RASSF7: variants seen among roughly 807,000 people sequenced by gnomAD.
RASSF7 encodes the protein ras association domain-containing protein 7.
A neutral mutation model predicts 33.8 loss-of-function variants in RASSF7; 41 were observed. The ratio of observed to expected loss-of-function variants is 1.21; its 90% CI spans 0.95 to 1.57. RASSF7 has a LOEUF of 1.57. Ranked by LOEUF, RASSF7 falls within the 40% of genes most tolerant of loss-of-function variation. RASSF7 has a pLI of 0.00. For missense variants in RASSF7, 622 were observed against 497.0 expected (o/e 1.25, Z -2.39); for synonymous variants, 298 against 212.8 (o/e 1.40, Z -3.48).
rs779964929 is a variant in RASSF7 at position 563,399 on chromosome 11, C to T, written c.955C>T (p.Pro319Ser). 9.3e-6 allele frequency: 15 copies of T among 1,611,428 alleles called. No homozygotes were observed. The highest frequency in any genetic ancestry group is 2.2e-5 in the East Asian group (1 of 44,842). Residue 319 changes from proline to serine, a missense_variant, in exon 5 of 6, where the codon CCT becomes TCT. By Grantham distance (74) the Pro-to-Ser change is moderately conservative. Coordinates refer to ENST00000397583, the MANE Select transcript of RASSF7 (RefSeq NM_003475.4). ...PDRGPPGTQGPLPPAREESLL... is the reference protein window; with the variant it reads ...PDRGPPGTQGSLPPAREESLL... ...AAGCTGACTTCCCAACCCACAGGGC[C>T]CTCTGCCTCCAGCCAGAGAGGAGTC...
rs142735008 is a variant in RASSF7 at position 561,476 on chromosome 11, AG to A, written c.-8+1del. ...GGGAGGGGGCAGTGTCCTCCGAGCC[AG>A]GTGAGGCGAGTAGGAAATGCTGGAT... On this transcript the variant is annotated splice_region_variant and 5_prime_UTR_variant, in exon 1 of 6. Transcript: ENST00000397583. The A allele has an allele frequency of 7.4e-3, 9,289 of 1,262,772 alleles. 35 individuals carry two copies. Among genetic ancestry groups the A allele is most frequent in the Non-Finnish European group, 8.4e-3 (8,383 of 994,792 alleles). The allele number at this position is 1,262,772 out of a possible 1,614,324, so 78.2% of individuals were successfully genotyped here. A position where few individuals can be genotyped will look rare whatever the true frequency, so the allele number is the denominator to read the frequency against.
intron 2 of RASSF7, 87 bp downstream of exon 2, chr11:561,979 G>A: frequency 6.4e-7 from 1 of 1,571,090 alleles, no homozygotes; most frequent in East Asian, 2.3e-5. Flanking sequence ...CCCAAGGAGA[G>A]TGGGGCTGGT....
At position 562,101 on chromosome 11, in the gene RASSF7, T is replaced by A. The variant is rs1022075322; in HGVS notation, c.147T>A (p.Leu49=). The A allele has an allele frequency of 6.5e-7, 1 of 1,528,048 alleles. No individual in the cohort carries two copies. The allele number at this position is 1,528,048 out of a possible 1,614,324, so 94.7% of individuals were successfully genotyped here. The change falls in exon 3 of 6, where the codon CTT becomes CTA. Residue 49 remains leucine, a synonymous_variant. Transcript: ENST00000397583. ...CAGGCCAGACTGGCCGCTTTGTGCT[T>A]GTGCAGCGGCTTCGGGAGAAGGAGC... is the stretch of plus-strand genomic sequence containing the variant. ...QAIGQTGRFV[L]VQRLREKERQ...
chr11:561,821 A>G lies in RASSF7; in HGVS notation c.53A>G (p.Gln18Arg). ...CTGAAGGTGTGGGTGGATGGCATCC[A>G]GCGTGTGGTCTGTGGGGTCTCAGAG... ...MELKVWVDGIQRVVCGVSEQT... is the reference protein window; with the variant it reads ...MELKVWVDGIRRVVCGVSEQT... Residue 18 changes from glutamine (Q) to arginine (R), a missense_variant, in exon 2 of 6, where the codon CAG becomes CGG. By Grantham distance (43) the Gln-to-Arg change is conservative. Coordinates refer to ENST00000397583, the MANE Select transcript of RASSF7 (RefSeq NM_003475.4). 1 of 1,613,390 alleles carries G rather than the reference A, an allele frequency of 6.2e-7. No individual in the cohort carries two copies. Among genetic ancestry groups the G allele is most frequent in the African/African-American group, 1.3e-5 (1 of 75,038 alleles).
At position 561,325 on chromosome 11, in the gene RASSF7, C is replaced by T. The variant is rs1489769565; in HGVS notation, c.-160C>T. On this transcript the variant is annotated 5_prime_UTR_variant, in exon 1 of 6. Coordinates refer to ENST00000397583, the MANE Select transcript of RASSF7 (RefSeq NM_003475.4). ...GGGGGCTGCTCAGACCCGGAGTCTG[C>T]TCCATCTGCAGGGTCGAGGTCTGGG... is the stretch of plus-strand genomic sequence containing the variant. The T allele has an allele frequency of 5.0e-6, 5 of 996,514 alleles. No homozygotes were observed. The highest frequency in any genetic ancestry group is 1.7e-5 in the African/African-American group (1 of 57,316). 61.7% of individuals were successfully genotyped at this position (996,514 alleles called of 1,614,324 possible).
Position 562,293 on chromosome 11 carries a change from T to G in RASSF7, c.339T>G (p.Pro113=). 6.2e-7 allele frequency: 1 copy of G among 1,612,718 alleles called. No homozygotes were observed. The highest frequency in any genetic ancestry group is 8.5e-7 in the Non-Finnish European group (1 of 1,179,970). Residue 113 remains proline, a synonymous_variant, in exon 3 of 6, where the codon CCT becomes CCG. Coordinates refer to ENST00000397583, the MANE Select transcript of RASSF7 (RefSeq NM_003475.4). Reference sequence around the variant, plus strand: ...GCTGCCTAATTCGTGCCAGCCTCCCTGTAAAGCCACGGGCTGCGCTGGGCT... The same window carrying G: ...GCTGCCTAATTCGTGCCAGCCTCCCGGTAAAGCCACGGGCTGCGCTGGGCT... ...PERCLIRASL[P]VKPRAALGCE...
At position 561,047 on chromosome 11, in the gene RASSF7, G is replaced by A; in HGVS notation, c.-438G>A. Reference sequence around the variant, plus strand: ...GCGAGCGCCCAGGTGAGCCGCGCCGGGTCCCCGGTACTTGGGAGCGCGGGG... The same window carrying A: ...GCGAGCGCCCAGGTGAGCCGCGCCGAGTCCCCGGTACTTGGGAGCGCGGGG... On this transcript the variant is annotated 5_prime_UTR_variant, in exon 1 of 6. Coordinates refer to ENST00000397583, the MANE Select transcript of RASSF7 (RefSeq NM_003475.4). The A allele has an allele frequency of 1.0e-6, 1 of 995,558 alleles. No individual in the cohort carries two copies. Among genetic ancestry groups the A allele is most frequent in the Non-Finnish European group, 1.2e-6 (1 of 837,174 alleles). The allele number at this position is 995,558 out of a possible 1,614,324, so 61.7% of individuals were successfully genotyped here.
Position 562,381 on chromosome 11 carries a change from G to T in RASSF7, c.427G>T (p.Ala143Ser), listed in dbSNP as rs1841238095. Residue 143 changes from alanine (A) to serine (S), a missense_variant, in exon 3 of 6, where the codon GCC becomes TCC. By Grantham distance (99) the Ala-to-Ser change is moderately conservative. Coordinates refer to ENST00000397583, the MANE Select transcript of RASSF7 (RefSeq NM_003475.4). ...APSLSRPGPAAPVTPTPGCCT... is the reference protein window; with the variant it reads ...APSLSRPGPASPVTPTPGCCT... ...CAGCCTCTCACGCCCTGGGCCTGCG[G>T]CCCCTGTGACACCCACACCAGGCTG... The T allele has an allele frequency of 1.9e-6, 3 of 1,582,468 alleles. No homozygotes were observed. The African/African-American group carries it at 4.1e-5, about 21-fold the overall frequency.
In RASSF7 at chr11:562,641, G is replaced by A; in HGVS notation, c.687G>A (p.Gly229=). The A allele has an allele frequency of 1.3e-6, 2 of 1,543,598 alleles. No individual in the cohort carries two copies. The highest frequency in any genetic ancestry group is 1.7e-6 in the Non-Finnish European group (2 of 1,146,812). The change falls in exon 3 of 6, where the codon GGG becomes GGA. Residue 229 remains glycine (G), a synonymous_variant. Coordinates refer to ENST00000397583, the MANE Select transcript of RASSF7 (RefSeq NM_003475.4). ...TGCAGCTGGCAGCGGAGGCCCCTGG[G>A]CCCCCCTCACCTATGGCATCTGCCA... ...AELQLAAEAP[G]PPSPMASATE... is the part of the protein sequence containing the mutation.
In RASSF7 at chr11:561,754, C is replaced by T. The variant is rs1336706915; in HGVS notation, c.-7-8C>T. 6.2e-7 allele frequency: 1 copy of T among 1,613,248 alleles called. No homozygotes were observed. Among genetic ancestry groups the T allele is most frequent in the South Asian group, 1.1e-5 (1 of 91,078 alleles). On this transcript the variant is annotated splice_region_variant and splice_polypyrimidine_tract_variant and intron_variant, in intron 1 of 5. Transcript: ENST00000397583. ...GGTCCTGACCCGGTGCCTGCGCCCT[C>T]CCCACAGGACAGGCATGTTGTTGGG... is the stretch of plus-strand genomic sequence containing the variant.
chr11:561,591 C>A (rs1853308291), intron 1 of RASSF7, 114 bp downstream of exon 1: 3 of 1,388,984 alleles, frequency 2.2e-6, no homozygotes, highest in Non-Finnish European at 2.8e-6. Context: ...CGGAGGGCCG[C>A]CACCCCAGGA....
chr11:561,054 G>A lies in RASSF7; in HGVS notation c.-431G>A, dbSNP rs936205383. ...CCCAGGTGAGCCGCGCCGGGTCCCCGGTACTTGGGAGCGCGGGGCGCGCCT... is the reference window on the plus strand; with the variant it reads ...CCCAGGTGAGCCGCGCCGGGTCCCCAGTACTTGGGAGCGCGGGGCGCGCCT... On this transcript the variant is annotated 5_prime_UTR_variant, in exon 1 of 6. Coordinates refer to ENST00000397583, the MANE Select transcript of RASSF7 (RefSeq NM_003475.4). 17 of 993,200 alleles carry A rather than the reference G, an allele frequency of 1.7e-5. No individual in the cohort carries two copies. In the African/African-American group the frequency reaches 3.0e-4, roughly 17 times the overall value. The allele number at this position is 993,200 out of a possible 1,614,324, so 61.5% of individuals were successfully genotyped here.
Position 561,497 on chromosome 11 carries a change from C to T in RASSF7, c.-8+20C>T. 3 of 1,348,892 alleles carry T rather than the reference C, an allele frequency of 2.2e-6. No homozygotes were observed. Among genetic ancestry groups the T allele is most frequent in the Non-Finnish European group, 2.9e-6 (3 of 1,045,822 alleles). The allele number at this position is 1,348,892 out of a possible 1,614,324, so 83.6% of individuals were successfully genotyped here. A position where few individuals can be genotyped will look rare whatever the true frequency, so the allele number is the denominator to read the frequency against. On this transcript the variant is annotated intron_variant, in intron 1 of 5. Coordinates refer to ENST00000397583, the MANE Select transcript of RASSF7 (RefSeq NM_003475.4). ...AGCCAGGTGAGGCGAGTAGGAAATG[C>T]TGGATCTGGTTAATGATTCGCCTTG...
In RASSF7 at chr11:563,963, A is replaced by T; in HGVS notation, c.*318A>T. 2.3e-6 allele frequency: 1 copy of T among 443,742 alleles called. No individual in the cohort carries two copies. Among genetic ancestry groups the T allele is most frequent in the Non-Finnish European group, 4.0e-6 (1 of 248,920 alleles). The allele number at this position is 443,742 out of a possible 1,614,324, so 27.5% of individuals were successfully genotyped here. On this transcript the variant is annotated 3_prime_UTR_variant, in exon 6 of 6. Transcript: ENST00000397583. ...TTCACTGTGTGTACACAGCAAGAGCATGTGTGTGCCACTTCCCCTACCCCA... is the reference window on the plus strand; with the variant it reads ...TTCACTGTGTGTACACAGCAAGAGCTTGTGTGTGCCACTTCCCCTACCCCA...
intron 5 of RASSF7, 35 bp downstream of exon 5, chr11:563,513 G>A (rs907308563): frequency 1.9e-6 from 3 of 1,609,592 alleles, no homozygotes; most frequent in Non-Finnish European, 2.5e-6. Context: ...TGGGGCACCG[G>A]GCCCTCCTGT....
In RASSF7 at chr11:561,716, A is replaced by G. The variant is rs562755576; in HGVS notation, c.-7-46A>G. The stretch of plus-strand genomic sequence containing the variant: ...ATGAGGAGAGGAGGACCAGCCTGCG[A>G]TAGGAGTAGGCAGGTCCTGACCCGG... On this transcript the variant is annotated intron_variant, in intron 1 of 5. Coordinates refer to ENST00000397583, the MANE Select transcript of RASSF7 (RefSeq NM_003475.4). The G allele has an allele frequency of 1.9e-6, 3 of 1,609,604 alleles. No individual in the cohort carries two copies. In the South Asian group the frequency reaches 3.3e-5, roughly 18 times the overall value.
intron 1 of RASSF7, 136 bp from the exon 2 acceptor site, chr11:561,626 G>A: frequency 1.4e-6 from 2 of 1,436,986 alleles, no homozygotes; most frequent in Non-Finnish European, 9.3e-7. Flanking sequence ...GGTGGGGCTG[G>A]CACAGGAGGG....
chr11:562,447 A>G lies in RASSF7; in HGVS notation c.493A>G (p.Asn165Asp). Residue 165 changes from asparagine (N) to aspartate (D), a missense_variant, in exon 3 of 6, where the codon AAT becomes GAT. Asn to Asp is a conservative substitution (Grantham distance 23, BLOSUM62 1). Transcript: ENST00000397583. Reference protein sequence around the residue: ...LRGLELRVQRNAEELGHEAFW... With the variant: ...LRGLELRVQRDAEELGHEAFW... ...GGGCCTGGAGCTCAGGGTGCAGAGG[A>G]ATGCTGAGGAGCTGGGCCATGAGGC... 1.3e-6 allele frequency: 2 copies of G among 1,551,264 alleles called. No homozygotes were observed. The highest frequency in any genetic ancestry group is 1.7e-6 in the Non-Finnish European group (2 of 1,147,238).
At position 561,814 on chromosome 11, in the gene RASSF7, G is replaced by C. The variant is rs762299979; in HGVS notation, c.46G>C (p.Gly16Arg). 1 of 1,613,398 alleles carries C rather than the reference G, an allele frequency of 6.2e-7. No individual in the cohort carries two copies. Among genetic ancestry groups the C allele is most frequent in the Non-Finnish European group, 8.5e-7 (1 of 1,180,002 alleles). The change falls in exon 2 of 6, where the codon GGC becomes CGC. Residue 16 changes from glycine to arginine, a missense_variant. By Grantham distance (125) the Gly-to-Arg change is moderately radical. Transcript: ENST00000397583. ...CATGGAGCTGAAGGTGTGGGTGGATGGCATCCAGCGTGTGGTCTGTGGGGT... is the reference window on the plus strand; with the variant it reads ...CATGGAGCTGAAGGTGTGGGTGGATCGCATCCAGCGTGTGGTCTGTGGGGT... ...AAMELKVWVD[G>R]IQRVVCGVSE...
Sources: gnomAD v4.1 joint callset for allele counts on GRCh38, gnomAD v4.1.1 for gene constraint, MANE v1.5 for transcripts, NCBI Gene and HGNC (gene_info 2026-07-23, HGNC 2026-07-21) for gene names.